PPP1R9A: variants seen among roughly 807,000 people sequenced by gnomAD.
PPP1R9A encodes the protein neurabin-1.
PPP1R9A carries 59 observed loss-of-function variants against 141.9 expected under a neutral mutation model. The ratio of observed to expected loss-of-function variants is 0.42; its 90% CI spans 0.34 to 0.52. The LOEUF (loss-of-function observed/expected upper bound fraction) is 0.52. PPP1R9A is among the 20% of genes least tolerant of loss of function. The pLI, the probability that PPP1R9A is intolerant of heterozygous loss-of-function variation, is 0.10. For synonymous variants in PPP1R9A, 500 were observed against 569.7 expected (o/e 0.88, Z 1.74); for missense variants, 1,444 against 1,611.9 (o/e 0.90, Z 1.78).
rs576466566 is a variant in PPP1R9A, at chr7:95,286,128, T to C, written c.3610-78T>C. ...CTGCTAAGATTGTTTAAAAGAGCCC[T>C]TTTAGAGCTTGTAGACACACCTACC... On this transcript the variant is annotated intron_variant, in intron 17 of 19. Coordinates refer to ENST00000433360, the MANE Select transcript of PPP1R9A (RefSeq NM_001166160.2). 7.6e-5 allele frequency: 119 copies of C among 1,567,738 alleles called. No individual in the cohort carries two copies. The East Asian group carries it at 2.4e-3, about 32-fold the overall frequency.
intron 2 of PPP1R9A, among the ~76,000 whole-genome samples, chr7:94,959,929 A>G (rs1394770447): frequency 6.6e-6 from 1 of 151,740 alleles, no homozygotes; most frequent in Non-Finnish European, 1.5e-5. Context: ...TTTGAGCAAG[A>G]TGTTCATCAG....
chr7:95,174,713 A>G (rs533514281), intron 5 of PPP1R9A, among the ~76,000 whole-genome samples: 1 of 152,260 alleles, frequency 6.6e-6, no homozygotes, highest in Non-Finnish European at 1.5e-5. Flanking sequence ...TTTTACTTTT[A>G]AAATATTATT....
At chr7:95,018,333 C>T (rs1229158722) in intron 2 of PPP1R9A, 3 of 225,772 alleles carry the variant, frequency 1.3e-5, no homozygotes, top group East Asian at 1.1e-4. Flanking sequence ...AGAAGGCTCT[C>T]GTTATCATCT....
intron 2 of PPP1R9A, among the ~76,000 whole-genome samples, chr7:95,066,164 T>A (rs180805252): frequency 6.6e-6 from 1 of 152,124 alleles, no homozygotes; most frequent in Admixed American, 6.5e-5. Context: ...CTTATAAGAA[T>A]AGGAAATTTG....
chr7:95,291,072 T>C lies in PPP1R9A; in HGVS notation c.*769T>C, dbSNP rs1468421156. 2.0e-5 allele frequency: 3 copies of C among 152,242 alleles called. No homozygotes were observed. The highest frequency in any genetic ancestry group is 1.5e-5 in the Non-Finnish European group (1 of 68,072). The allele number at this position is 152,242 out of a possible 1,614,324, so 9.4% of individuals were successfully genotyped here. A position where few individuals can be genotyped will look rare whatever the true frequency, so the allele number is the denominator to read the frequency against. Reference sequence around the variant, plus strand: ...AAGAAAGAAAAAAATCAGACATTAATGCAGCCATGGGATATTGGGATCTGT... The same window carrying C: ...AAGAAAGAAAAAAATCAGACATTAACGCAGCCATGGGATATTGGGATCTGT... On this transcript the variant is annotated 3_prime_UTR_variant, in exon 20 of 20. Transcript: ENST00000433360.
chr7:95,084,036 T>C (rs968355275), intron 2 of PPP1R9A, among the ~76,000 whole-genome samples: 8 of 152,036 alleles, frequency 5.3e-5, no homozygotes, highest in Non-Finnish European at 1.0e-4. Flanking sequence ...GAATATTGTA[T>C]GCTAGAAAAC....
At chr7:95,067,686 C>G (rs762333103) in intron 2 of PPP1R9A, among the ~76,000 whole-genome samples, 1 of 146,324 alleles carries the variant, frequency 6.8e-6, no homozygotes, top group East Asian at 1.9e-4. Context: ...GGATGCTCAA[C>G]TCATGTATGG....
In PPP1R9A at chr7:94,910,387, G is replaced by A; in HGVS notation, c.274G>A (p.Gly92Arg). 6.2e-7 allele frequency: 1 copy of A among 1,614,064 alleles called. No individual in the cohort carries two copies. The highest frequency in any genetic ancestry group is 1.1e-5 in the South Asian group (1 of 91,068). The stretch of plus-strand genomic sequence containing the variant: ...CATTGCCAAAACAAGGGGGAAAGGT[G>A]GACATTCATCTCCTCAGAGAAGAAT... ...AVIAKTRGKG[G>R]HSSPQRRMKP... Residue 92 changes from glycine to arginine, a missense_variant, in exon 2 of 20, where the codon GGA becomes AGA. By Grantham distance (125) the Gly-to-Arg change is moderately radical (BLOSUM62 -2). This residue lies in a region of PPP1R9A where 490 missense variants were observed against 521.1 expected (regional missense o/e 0.94). Coordinates refer to ENST00000433360, the MANE Select transcript of PPP1R9A (RefSeq NM_001166160.2). The surrounding 1 kb of genome is among the most constrained non-coding windows in gnomAD (Gnocchi z 4.5).
chr7:95,160,439 G>T (rs1231542063), intron 4 of PPP1R9A, among the ~76,000 whole-genome samples: 5 of 152,028 alleles, frequency 3.3e-5, no homozygotes, highest in Non-Finnish European at 7.4e-5. Flanking sequence ...TTTGTGATAG[G>T]AATATGTATG....
intron 12 of PPP1R9A, among the ~76,000 whole-genome samples, chr7:95,261,511 G>T (rs1277919230): frequency 6.6e-6 from 1 of 151,962 alleles, no homozygotes; most frequent in East Asian, 1.9e-4. Context: ...GTGAGTTTTT[G>T]ATGACACTAA....
At chr7:95,015,243 C>T (rs1804941778) in intron 2 of PPP1R9A, among the ~76,000 whole-genome samples, 2 of 149,714 alleles carry the variant, frequency 1.3e-5, no homozygotes, top group South Asian at 4.3e-4. Context: ...CACACACACA[C>T]ACACATACAC....
At chr7:95,200,538 C>G (rs1789325978) in intron 6 of PPP1R9A, among the ~76,000 whole-genome samples, 1 of 152,096 alleles carries the variant, frequency 6.6e-6, no homozygotes, top group African/African-American at 2.4e-5. Context: ...CCTCAGCCTT[C>G]CAAAGTGCTG....
chr7:94,992,971 A>G (rs1450845005), intron 2 of PPP1R9A, among the ~76,000 whole-genome samples: 1 of 152,062 alleles, frequency 6.6e-6, no homozygotes, highest in African/African-American at 2.4e-5. Context: ...ATCCAAGGTC[A>G]CAAATATATT....
At chr7:95,245,479 G>A (rs1256214724) in intron 8 of PPP1R9A, among the ~76,000 whole-genome samples, 3 of 152,150 alleles carry the variant, frequency 2.0e-5, no homozygotes, top group African/African-American at 7.2e-5. Flanking sequence ...TCTAAAATGA[G>A]TTCAGAAGAG....
intron 2 of PPP1R9A, among the ~76,000 whole-genome samples, chr7:94,980,200 A>T (rs2151313521): frequency 6.6e-6 from 1 of 151,704 alleles, no homozygotes; most frequent in South Asian, 2.1e-4. Flanking sequence ...AAAAAAAAAA[A>T]ATCACAGAAA....
rs1300779018 is a variant in PPP1R9A at position 95,032,037 on chromosome 7, G to C, written c.1396-79222G>C. Among the ~76,000 whole-genome samples the C allele has an allele frequency of 2.0e-5, 3 of 152,218 alleles. No homozygotes were observed. The East Asian group carries it at 5.8e-4, about 29-fold the overall frequency. ...AATCTGTCTGCTTCAAATCACTTTG[G>C]CAACCATTATGATATATAGCCTTTT... On this transcript the variant is annotated intron_variant, in intron 2 of 19. Coordinates refer to ENST00000433360, the MANE Select transcript of PPP1R9A (RefSeq NM_001166160.2).
At chr7:95,157,250 T>A (rs1026740225) in intron 4 of PPP1R9A, among the ~76,000 whole-genome samples, 20 of 151,574 alleles carry the variant, frequency 1.3e-4, no homozygotes, top group Non-Finnish European at 2.7e-4. Flanking sequence ...CCTTCTCAGC[T>A]CCCCCTCTCC....
intron 12 of PPP1R9A, among the ~76,000 whole-genome samples, chr7:95,256,041 C>A (rs1443122622): frequency 1.3e-5 from 2 of 152,070 alleles, no homozygotes; most frequent in African/African-American, 4.8e-5. Context: ...GGTAATACTG[C>A]ATGTTATCTT....
chr7:94,945,121 A>G (rs762475323), intron 2 of PPP1R9A, among the ~76,000 whole-genome samples: 2 of 151,986 alleles, frequency 1.3e-5, no homozygotes, highest in Non-Finnish European at 2.9e-5. Flanking sequence ...TGTATATATG[A>G]TATATTCATA....
Sources: gnomAD v4.1 joint callset for allele counts (sites outside exome capture counted in the v4.1 genomes callset) on GRCh38, gnomAD v4.1.1 for gene constraint, gnomAD v4.1.1 regional missense constraint, Gnocchi (gnomAD v3.1) non-coding constraint, MANE v1.5 for transcripts, NCBI Gene and HGNC (gene_info 2026-07-23, HGNC 2026-07-21) for gene names.